The following CNTN5 variants were observed in gnomAD, a reference collection of about 807,000 sequenced individuals.
The protein encoded by CNTN5 is contactin 5.
Under a neutral mutation model 129.1 loss-of-function variants are expected in CNTN5, and 77 were observed. That is an observed-to-expected ratio of 0.60 (90% CI 0.50 to 0.72). CNTN5 has a LOEUF of 0.72. CNTN5 is among the 30% of genes least tolerant of loss of function. CNTN5 has a pLI of 0.00. For synonymous variants in CNTN5, 509 were observed against 465.6 expected (o/e 1.09, Z -1.20); for missense variants, 1,478 against 1,328.8 (o/e 1.11, Z -1.75).
intron 9 of CNTN5, among the ~76,000 whole-genome samples, chr11:100,016,796 A>G (rs1390613867): frequency 1.3e-5 from 2 of 152,012 alleles, no homozygotes; most frequent in African/African-American, 4.8e-5. Context: ...CATAAACTCA[A>G]CATCTACCAC....
At chr11:99,104,817 A>G (rs1023359635) in intron 1 of CNTN5, among the ~76,000 whole-genome samples, 6 of 152,170 alleles carry the variant, frequency 3.9e-5, no homozygotes, top group Non-Finnish European at 7.4e-5. Context: ...GGTACCCAAA[A>G]GCTGATTGAT....
At chr11:99,311,134 G>A (rs142004173) in intron 1 of CNTN5, among the ~76,000 whole-genome samples, 258 of 152,102 alleles carry the variant, frequency 1.7e-3, no homozygotes, top group African/African-American at 5.7e-3. Flanking sequence ...TCACCATATT[G>A]GCCAGGCTGG....
intron 2 of CNTN5, among the ~76,000 whole-genome samples, chr11:99,456,985 A>G (rs1410417606): frequency 6.6e-6 from 1 of 152,040 alleles, no homozygotes; most frequent in Non-Finnish European, 1.5e-5. Flanking sequence ...TGCTTCTGAT[A>G]AAATAAAAAA....
intron 1 of CNTN5, among the ~76,000 whole-genome samples, chr11:99,118,446 C>A (rs10790477): frequency 0.42 from 64,286 of 151,760 alleles, 13,822 homozygotes; most frequent in African/African-American, 0.52. Flanking sequence ...AGTGAATCAG[C>A]AATGTAGATG....
At chr11:99,339,760 C>T (rs1490225301) in intron 2 of CNTN5, among the ~76,000 whole-genome samples, 10 of 146,702 alleles carry the variant, frequency 6.8e-5, no homozygotes, top group South Asian at 4.4e-4. Flanking sequence ...CCAGCCTGCG[C>T]TACAGAGTGA....
intron 3 of CNTN5, among the ~76,000 whole-genome samples, chr11:99,627,543 A>G (rs1951175997): frequency 2.6e-5 from 4 of 152,296 alleles, no homozygotes; most frequent in South Asian, 4.1e-4. Flanking sequence ...CTTCAAGGTT[A>G]TCATGTAGAC....
chr11:100,037,558 T>A (rs1395548613), intron 9 of CNTN5, among the ~76,000 whole-genome samples: 1 of 152,146 alleles, frequency 6.6e-6, no homozygotes, highest in Non-Finnish European at 1.5e-5. Context: ...AGCTCCTCCT[T>A]GTACCTCTGG....
At chr11:99,989,838 T>C (rs1938942729) in intron 8 of CNTN5, among the ~76,000 whole-genome samples, 1 of 152,206 alleles carries the variant, frequency 6.6e-6, no homozygotes, top group East Asian at 1.9e-4. Context: ...CGATCTGGGC[T>C]CACTGCAACC....
chr11:100,156,295 G>A (rs780553399), intron 13 of CNTN5, among the ~76,000 whole-genome samples: 15 of 152,058 alleles, frequency 9.9e-5, no homozygotes, highest in Non-Finnish European at 1.8e-4. Flanking sequence ...TTTATGTGAT[G>A]GATTACGTTT....
At chr11:99,780,572 C>G (rs1488708103) in intron 3 of CNTN5, among the ~76,000 whole-genome samples, 1 of 152,034 alleles carries the variant, frequency 6.6e-6, no homozygotes, top group African/African-American at 2.4e-5. Context: ...GATGGGAGAT[C>G]AGAGTGTAGT....
intron 2 of CNTN5, among the ~76,000 whole-genome samples, chr11:99,330,153 AAAGG>A (rs1278698005): frequency 2.0e-5 from 3 of 150,060 alleles, no homozygotes; most frequent in East Asian, 4.0e-4. Flanking sequence ...ACAAGAAAAG[AAAGG>A]AAGGAAGGGA....
chr11:100,197,298 A>G (rs1350002693), intron 15 of CNTN5, among the ~76,000 whole-genome samples: 2 of 152,002 alleles, frequency 1.3e-5, no homozygotes, highest in African/African-American at 2.4e-5. Flanking sequence ...TTTCGGAGCT[A>G]TAAAATTTGA....
chr11:99,639,998 A>G (rs933377019), intron 3 of CNTN5, among the ~76,000 whole-genome samples: 1 of 152,096 alleles, frequency 6.6e-6, no homozygotes, highest in South Asian at 2.1e-4. Flanking sequence ...CTAAAATGTT[A>G]CCAAGATTCA....
intron 2 of CNTN5, among the ~76,000 whole-genome samples, chr11:99,359,389 A>G (rs1277392578): frequency 6.6e-6 from 1 of 151,652 alleles, no homozygotes; most frequent in Non-Finnish European, 1.5e-5. Context: ...CAGAGACCCC[A>G]CCTCCTAATA....
intron 2 of CNTN5, among the ~76,000 whole-genome samples, chr11:99,444,126 G>C (rs778987690): frequency 9.1e-4 from 138 of 152,094 alleles, no homozygotes; most frequent in Non-Finnish European, 1.1e-3. Context: ...TTGAACCCAG[G>C]GGGTGGAGGT....
In CNTN5 at chr11:99,819,718, A is replaced by G. The variant is rs763136607; in HGVS notation, c.230A>G (p.Tyr77Cys). ...TGGCTAGGGGCAGCTCAGAATTATTATTCCCCCATCAATCTTTATCATTCC... is the reference window on the plus strand; with the variant it reads ...TGGCTAGGGGCAGCTCAGAATTATTGTTCCCCCATCAATCTTTATCATTCC... ...PSWLGAAQNY[Y>C]SPINLYHSSD... Residue 77 changes from tyrosine to cysteine, a missense_variant, in exon 4 of 25, where the codon TAT (tyrosine) becomes TGT (cysteine). Coordinates refer to ENST00000524871, the MANE Select transcript of CNTN5 (RefSeq NM_014361.4). 6.2e-7 allele frequency: 1 copy of G among 1,611,716 alleles called. No individual in the cohort carries two copies. Among genetic ancestry groups the G allele is most frequent in the South Asian group, 1.1e-5 (1 of 91,002 alleles).
chr11:99,849,078 T>C (rs993606697), intron 6 of CNTN5, among the ~76,000 whole-genome samples: 4 of 152,008 alleles, frequency 2.6e-5, no homozygotes, highest in African/African-American at 9.7e-5. Flanking sequence ...CCTAATTATA[T>C]TCATAAAAAA....
chr11:99,844,502 T>A (rs1947617191), intron 4 of CNTN5: 1 of 323,956 alleles, frequency 3.1e-6, no homozygotes, highest in Admixed American at 4.8e-5. Context: ...TTCTAAGAAT[T>A]TTACAAACTT....
intron 13 of CNTN5, 52 bp downstream of exon 13, chr11:100,074,346 C>T: frequency 7.8e-6 from 11 of 1,415,104 alleles, no homozygotes; most frequent in Non-Finnish European, 9.7e-6. Flanking sequence ...TTTGAGGTTA[C>T]AGGTGACACA....
Sources: gnomAD v4.1 joint callset for allele counts (sites outside exome capture counted in the v4.1 genomes callset) on GRCh38, gnomAD v4.1.1 for gene constraint, MANE v1.5 for transcripts, NCBI Gene and HGNC (gene_info 2026-07-23, HGNC 2026-07-21) for gene names.